The following ARL5C variants were observed in gnomAD, a reference collection of about 807,000 sequenced individuals.
ARL5C encodes ARF like GTPase 5C, also known as putative ADP-ribosylation factor-like protein 5C.
Under a neutral mutation model 20.8 loss-of-function variants are expected in ARL5C, and 21 were observed. The observed-to-expected ratio is 1.01, with a 90% confidence interval of 0.72 to 1.46. ARL5C has a LOEUF of 1.46. ARL5C is among the 40% of genes most tolerant of loss of function. ARL5C has a pLI of 0.00. For missense variants in ARL5C, 199 were observed against 225.1 expected (o/e 0.88, Z 0.74); for synonymous variants, 71 against 81.6 (o/e 0.87, Z 0.70).
At chr17:39,156,864 A>G (rs531223783), downstream of ARL5C, 114 of 1,551,432 alleles carry the variant, frequency 7.3e-5, no homozygotes, top group East Asian at 1.5e-3. Flanking sequence ...GCAAAACCCC[A>G]AAGTTTCTGG....
chr17:39,165,359 G>A, intron 1 of ARL5C: 1 of 599,454 alleles, frequency 1.7e-6, no homozygotes, highest in South Asian at 2.0e-5. Context: ...TTCCAGAAAA[G>A]TGTCTGAAAG....
intron 2 of ARL5C, 27 bp downstream of exon 2, chr17:39,165,052 T>C (rs926379466): frequency 2.6e-6 from 4 of 1,549,700 alleles, no homozygotes; most frequent in Non-Finnish European, 3.5e-6. Flanking sequence ...CCCAGCTCTC[T>C]ACCCTCCCCG....
At chr17:39,156,831 G>C, downstream of ARL5C, 1 of 1,535,392 alleles carries the variant, frequency 6.5e-7, no homozygotes, top group Admixed American at 2.0e-5. Context: ...ATAGCCACTT[G>C]ATTTTCCACC....
At chr17:39,164,864 A>G (rs2045454664) in intron 2 of ARL5C, 3 of 478,898 alleles carry the variant, frequency 6.3e-6, no homozygotes, top group African/African-American at 2.0e-5. Context: ...AGATGGAGGA[A>G]AGCAGTGGGA....
At position 39,165,803 on chromosome 17, in the gene ARL5C, T is replaced by C. The variant is rs1002054849; in HGVS notation, c.-43A>G. 1.9e-6 allele frequency: 3 copies of C among 1,550,592 alleles called. No homozygotes were observed. Among genetic ancestry groups the C allele is most frequent in the Non-Finnish European group, 2.6e-6 (3 of 1,146,374 alleles). On this transcript the variant is annotated 5_prime_UTR_variant, in exon 1 of 6. Coordinates refer to ENST00000269586, the MANE Select transcript of ARL5C (RefSeq NM_001143968.1). ...ACAGGTGCAGGAGGGCTCAGCGGCC[T>C]CAGGAGCGGAGTCGGCCCTGGTATT...
intron 3 of ARL5C, among the ~76,000 whole-genome samples, chr17:39,161,803 G>C (rs1357324866): frequency 6.6e-6 from 1 of 152,064 alleles, no homozygotes; most frequent in Non-Finnish European, 1.5e-5. Flanking sequence ...CAGGTGTGCT[G>C]CCACACCTGG....
In ARL5C at chr17:39,158,107, A is replaced by AGGAG. The variant is rs371365476; in HGVS notation, c.492-1169_492-1166dup. Among the ~76,000 whole-genome samples, 157 of 117,188 alleles carry AGGAG rather than the reference A, an allele frequency of 1.3e-3. 1 individual carries two copies. Among genetic ancestry groups the AGGAG allele is most frequent in the Middle Eastern group, 5.0e-3 (1 of 200 alleles). The allele number at this position is 117,188 out of a possible 152,430, so 76.9% of individuals were successfully genotyped here. ...AGCAAGTGGCCGTCGAAGAAAGGGA[A>AGGAG]GGAGGGAGGGAGGGAGGGAGGGAGG... is the stretch of plus-strand genomic sequence containing the variant. On this transcript the variant is annotated intron_variant, in intron 5 of 5. Transcript: ENST00000269586.
chr17:39,165,485 G>C (rs1286711002), intron 1 of ARL5C: 3 of 606,144 alleles, frequency 4.9e-6, no homozygotes, highest in Non-Finnish European at 8.7e-6. Context: ...GCTCCGTTTA[G>C]CGGGGAGAAA....
intron 5 of ARL5C, among the ~76,000 whole-genome samples, chr17:39,157,920 C>T (rs71369721): frequency 0.06 from 9,021 of 150,394 alleles, 417 homozygotes; most frequent in African/African-American, 0.13. Flanking sequence ...CATGAAACAC[C>T]GTCTCTACTA....
chr17:39,157,807 A>T (rs2144039514), intron 5 of ARL5C, among the ~76,000 whole-genome samples: 1 of 127,138 alleles, frequency 7.9e-6, no homozygotes, highest in Non-Finnish European at 1.6e-5. Context: ...AAAAAAGAAA[A>T]AAGTGGCCGG....
At chr17:39,163,388 TTCTTTCTC>T (rs1247367168) in intron 2 of ARL5C, among the ~76,000 whole-genome samples, 1 of 138,158 alleles carries the variant, frequency 7.2e-6, no homozygotes, top group African/African-American at 3.3e-5. Flanking sequence ...CTTTCTTTCT[TTCTTTCTC>T]TCTTTCTTTC....
Position 39,165,137 on chromosome 17 carries a change from G to A in ARL5C, c.49C>T (p.His17Tyr), listed in dbSNP as rs1411363532. 1 of 1,551,646 alleles carries A rather than the reference G, an allele frequency of 6.4e-7. No homozygotes were observed. The highest frequency in any genetic ancestry group is 1.4e-5 in the African/African-American group (1 of 73,136). The part of the protein sequence containing the change: ...KLMSIFGNQE[H>Y]TVIIVGLDNE... Reference sequence around the variant, plus strand: ...TCCAGTCCCACGATGATGACCGTGTGCTCTGGAAGCGTCGGAGGAAGGGCA... The same window carrying A: ...TCCAGTCCCACGATGATGACCGTGTACTCTGGAAGCGTCGGAGGAAGGGCA... The change falls in exon 2 of 6, where the codon CAC (histidine) becomes TAC (tyrosine). Residue 17 changes from histidine (H) to tyrosine (Y), a missense_variant and splice_region_variant. His to Tyr is a moderately conservative substitution (Grantham distance 83, BLOSUM62 2). Transcript: ENST00000269586.
intron 5 of ARL5C, among the ~76,000 whole-genome samples, chr17:39,159,235 G>A (rs2045422656): frequency 8.0e-6 from 1 of 125,518 alleles, no homozygotes; most frequent in Non-Finnish European, 1.6e-5. Context: ...ACAGAGTCTC[G>A]CTCTGTTGCC....
chr17:39,161,726 A>G (rs2144045542), intron 3 of ARL5C, among the ~76,000 whole-genome samples: 1 of 151,966 alleles, frequency 6.6e-6, no homozygotes, highest in South Asian at 2.1e-4. Context: ...GTTGGCCAGG[A>G]TGGTCTCAAA....
At chr17:39,160,838 C>A in intron 4 of ARL5C, 96 bp from the exon 5 acceptor site, 3 of 1,434,400 alleles carry the variant, frequency 2.1e-6, no homozygotes, top group Non-Finnish European at 2.8e-6. Flanking sequence ...CTCCAGCTGT[C>A]CCAGGAAGAG....
intron 2 of ARL5C, 54 bp downstream of exon 2, chr17:39,165,025 G>A: frequency 6.5e-7 from 1 of 1,528,950 alleles, no homozygotes; most frequent in Non-Finnish European, 8.9e-7. Context: ...CCCCCTGCCT[G>A]TCAGTCTGGT....
chr17:39,162,871 G>A lies in ARL5C; in HGVS notation c.108-13C>T. 1 of 1,549,254 alleles carries A rather than the reference G, an allele frequency of 6.5e-7. No individual in the cohort carries two copies. Among genetic ancestry groups the A allele is most frequent in the Non-Finnish European group, 8.7e-7 (1 of 1,146,626 alleles). On this transcript the variant is annotated splice_polypyrimidine_tract_variant and intron_variant, in intron 2 of 5. Transcript: ENST00000269586. ...CTCATTGGTCAAGCTGGGGAGGTAG[G>A]AGTGGGCACCAAGAGCTCAGTCCAG... is the stretch of plus-strand genomic sequence containing the variant.
At chr17:39,161,702 C>A (rs142697308) in intron 3 of ARL5C, among the ~76,000 whole-genome samples, 1 of 151,896 alleles carries the variant, frequency 6.6e-6, no homozygotes. Context: ...TTAGTAGAGA[C>A]GGGGTTTCGC....
At chr17:39,161,803 G>A (rs1357324866) in intron 3 of ARL5C, among the ~76,000 whole-genome samples, 1 of 152,064 alleles carries the variant, frequency 6.6e-6, no homozygotes, top group Non-Finnish European at 1.5e-5. Context: ...CAGGTGTGCT[G>A]CCACACCTGG....
Sources: allele counts gnomAD v4.1 joint callset (sites outside exome capture counted in the v4.1 genomes callset), GRCh38; gene constraint gnomAD v4.1.1; transcripts MANE v1.5; gene names NCBI Gene and HGNC (gene_info 2026-07-23, HGNC 2026-07-21).